The following NCOR1 variants were observed in gnomAD, a reference collection of about 807,000 sequenced individuals.
The protein encoded by NCOR1 is protein phosphatase 1, regulatory subunit 109.
In NCOR1, 63 loss-of-function variants were observed where a neutral mutation model predicts 288.1. That is an observed-to-expected ratio of 0.22 (90% CI 0.18 to 0.27). The LOEUF is 0.27. NCOR1 is among the 10% of genes least tolerant of loss of function. The probability of loss-of-function intolerance (pLI) is 1.00; values close to 1 mark genes in which losing one functional copy is unlikely to be tolerated. For synonymous variants in NCOR1, 1,007 were observed against 1,065.9 expected, an observed-to-expected ratio of 0.94 and a Z score of 1.08; for missense variants, 2,397 against 3,019.2, an observed-to-expected ratio of 0.79 and a Z score of 4.83.
intron 3 of NCOR1, among the ~76,000 whole-genome samples, chr17:16,175,110 G>A (rs1430652138): frequency 6.6e-6 from 1 of 152,048 alleles, no homozygotes; most frequent in Non-Finnish European, 1.5e-5. Flanking sequence ...GCTCACGCCT[G>A]TAATCCCAAG....
Position 16,072,578 on chromosome 17 carries a change from C to T in NCOR1, c.3812-350G>A, listed in dbSNP as rs772886022. On this transcript the variant is annotated intron_variant, in intron 28 of 45. Coordinates refer to ENST00000268712, the MANE Select transcript of NCOR1 (RefSeq NM_006311.4). ...AAATATACTTGTGATAAAGGGAAAACGGGAAATATGGATACCATAAAAATA... is the reference window on the plus strand; with the variant it reads ...AAATATACTTGTGATAAAGGGAAAATGGGAAATATGGATACCATAAAAATA... Among the ~76,000 whole-genome samples the T allele has an allele frequency of 2.6e-5, 4 of 152,010 alleles. No homozygotes were observed. The South Asian group carries it at 6.2e-4, about 24-fold the overall frequency.
intron 14 of NCOR1, among the ~76,000 whole-genome samples, chr17:16,134,406 T>A (rs1196594650): frequency 6.6e-6 from 1 of 152,212 alleles, no homozygotes; most frequent in East Asian, 1.9e-4. Flanking sequence ...CCAGAAGTGC[T>A]GACCAACCCA....
intron 1 of NCOR1, among the ~76,000 whole-genome samples, chr17:16,213,062 A>C (rs899985795): frequency 6.6e-6 from 1 of 151,386 alleles, no homozygotes; most frequent in Non-Finnish European, 1.5e-5. Context: ...GTCTCCAAAA[A>C]AAAAAAAAAA....
rs1312019377 is a variant in NCOR1 at position 16,075,557 on chromosome 17, C to T, written c.3647G>A (p.Ser1216Asn). 7 of 1,614,212 alleles carry T rather than the reference C, an allele frequency of 4.3e-6. No individual in the cohort carries two copies. The highest frequency in any genetic ancestry group is 5.1e-6 in the Non-Finnish European group (6 of 1,180,038). The change falls in exon 27 of 46, where the codon AGT becomes AAT. Residue 1216 changes from serine to asparagine, a missense_variant. Ser to Asn is a conservative substitution (Grantham distance 46). This residue lies in a region of NCOR1 where 1,872 missense variants were observed against 2,187.8 expected (regional missense o/e 0.86). Coordinates refer to ENST00000268712, the MANE Select transcript of NCOR1 (RefSeq NM_006311.4). Reference sequence around the variant, plus strand: ...ACTATCATATGACAAGATATGTCCACTTTTGCCTTCATAAATAACATGGCC... The same window carrying T: ...ACTATCATATGACAAGATATGTCCATTTTTGCCTTCATAAATAACATGGCC... ...SKGHVIYEGK[S>N]GHILSYDNIK...
chr17:16,170,107 C>CTGTGTGTGTGTGTG (rs61345864), intron 4 of NCOR1, among the ~76,000 whole-genome samples: 7,358 of 147,602 alleles, frequency 0.05, 207 homozygotes, highest in African/African-American at 0.078. Flanking sequence ...TATTTGCTTT[C>CTGTGTGTGTGTGTG]TGTGTGTGTG....
At position 16,029,508 on chromosome 17, in the gene NCOR1, G is replaced by T; in HGVS notation, c.*2788C>A. On this transcript the variant is annotated 3_prime_UTR_variant, in exon 46 of 46. Coordinates refer to ENST00000268712, the MANE Select transcript of NCOR1 (RefSeq NM_006311.4). Reference sequence around the variant, plus strand: ...AAATTTGCAGTCATAAACATGCAGTGGAAAACTGGCTGTCAGAATACTTTT... The same window carrying T: ...AAATTTGCAGTCATAAACATGCAGTTGAAAACTGGCTGTCAGAATACTTTT... 4.0e-6 allele frequency: 1 copy of T among 247,312 alleles called. No homozygotes were observed. Among genetic ancestry groups the T allele is most frequent in the Non-Finnish European group, 8.1e-6 (1 of 123,634 alleles). The allele number at this position is 247,312 out of a possible 1,614,324, so 15.3% of individuals were successfully genotyped here. A position where few individuals can be genotyped will look rare whatever the true frequency, so the allele number is the denominator to read the frequency against.
At chr17:16,084,699 G>A (rs957139411) in intron 23 of NCOR1, among the ~76,000 whole-genome samples, 40 of 152,238 alleles carry the variant, frequency 2.6e-4, no homozygotes, top group African/African-American at 9.1e-4. Flanking sequence ...CAAAGGAACT[G>A]AAGCGATCAA....
At chr17:16,089,844 G>A (rs1276767339) in intron 22 of NCOR1, among the ~76,000 whole-genome samples, 1 of 152,054 alleles carries the variant, frequency 6.6e-6, no homozygotes, top group East Asian at 1.9e-4. Context: ...AAAACTTCTG[G>A]TACTTGTTAA....
chr17:16,113,316 G>A (rs927050480), intron 18 of NCOR1, among the ~76,000 whole-genome samples: 2 of 151,204 alleles, frequency 1.3e-5, no homozygotes, highest in Non-Finnish European at 2.9e-5. Context: ...TCTCTTCCAT[G>A]TCTGATCTAA....
chr17:16,087,168 T>C, intron 22 of NCOR1: 1 of 1,303,392 alleles, frequency 7.7e-7, no homozygotes, highest in South Asian at 1.2e-5. Flanking sequence ...GGAGTGATAT[T>C]TACCTGGCGG....
At chr17:16,200,618 T>TTGGTG (rs1472778535) in intron 1 of NCOR1, among the ~76,000 whole-genome samples, 2 of 151,960 alleles carry the variant, frequency 1.3e-5, no homozygotes, top group Non-Finnish European at 2.9e-5. Context: ...AAGCCTACAT[T>TTGGTG]TCACCAAAGC....
chr17:16,065,328 T>C (rs570800365), intron 33 of NCOR1, among the ~76,000 whole-genome samples, 157 bp downstream of exon 33: 2 of 152,352 alleles, frequency 1.3e-5, no homozygotes, highest in Middle Eastern at 6.8e-3. Flanking sequence ...CTTGTCTCAA[T>C]GTATGTCTCT....
At chr17:16,147,891 C>G (rs1474459914) in intron 9 of NCOR1, among the ~76,000 whole-genome samples, 7 of 152,206 alleles carry the variant, frequency 4.6e-5, no homozygotes. Context: ...CGATCTCGCT[C>G]ACTGCAACCT....
intron 14 of NCOR1, 65 bp downstream of exon 14, chr17:16,137,246 A>C (rs2076568662): frequency 9.9e-7 from 1 of 1,013,878 alleles, no homozygotes; most frequent in South Asian, 1.5e-5. Context: ...CTTCTGTTTT[A>C]ACACTTTTTG....
chr17:16,153,550 CCA>C (rs2079200505), intron 6 of NCOR1, among the ~76,000 whole-genome samples, 155 bp from the exon 7 acceptor site: 1 of 152,058 alleles, frequency 6.6e-6, no homozygotes, highest in Non-Finnish European at 1.5e-5. Context: ...GAAATATGCT[CCA>C]GTTATTTTTT....
intron 6 of NCOR1, among the ~76,000 whole-genome samples, chr17:16,157,440 G>A (rs1035394546): frequency 6.6e-6 from 1 of 152,094 alleles, no homozygotes; most frequent in Non-Finnish European, 1.5e-5. Context: ...CTAAATCCAA[G>A]ATCATTCCTA....
In NCOR1 at chr17:16,061,386, G is replaced by A. The variant is rs1246450406; in HGVS notation, c.5881+15C>T. ...CTCAGACATCACATTGTGAAACTCG[G>A]ATTGAGATACATACAGCTACTAGAA... On this transcript the variant is annotated intron_variant, in intron 37 of 45. Transcript: ENST00000268712. The A allele has an allele frequency of 6.2e-7, 1 of 1,606,156 alleles. No individual in the cohort carries two copies. Among genetic ancestry groups the A allele is most frequent in the African/African-American group, 1.3e-5 (1 of 74,718 alleles).
intron 8 of NCOR1, among the ~76,000 whole-genome samples, chr17:16,149,833 TG>T (rs1328171776): frequency 6.6e-6 from 1 of 152,168 alleles, no homozygotes; most frequent in Non-Finnish European, 1.5e-5. Context: ...ACAACTCTGG[TG>T]ACATAAACAT....
chr17:16,102,557 C>G (rs895976526), intron 19 of NCOR1, among the ~76,000 whole-genome samples: 1 of 151,404 alleles, frequency 6.6e-6, no homozygotes, highest in African/African-American at 2.4e-5. Context: ...GGTACTAAAT[C>G]TTCAAAATCT....
Sources: gnomAD v4.1 joint callset for allele counts (sites outside exome capture counted in the v4.1 genomes callset) on GRCh38, gnomAD v4.1.1 for gene constraint, gnomAD v4.1.1 regional missense constraint, MANE v1.5 for transcripts, NCBI Gene and HGNC (gene_info 2026-07-23, HGNC 2026-07-21) for gene names.